The following USP1 variants were observed in gnomAD, a reference collection of about 807,000 sequenced individuals.
The protein encoded by USP1 is ubiquitin carboxyl-terminal hydrolase 1.
USP1 carries 18 observed loss-of-function variants against 72.2 expected under a neutral mutation model. The ratio of observed to expected loss-of-function variants is 0.25; its 90% CI spans 0.17 to 0.37. The LOEUF (loss-of-function observed/expected upper bound fraction) is 0.37. Ranked by LOEUF, USP1 falls within the 10% of genes least tolerant of loss-of-function variation. The pLI is 1.00. For missense variants in USP1, 759 were observed against 884.9 expected (o/e 0.86, Z 1.81); for synonymous variants, 354 against 303.7 (o/e 1.17, Z -1.72).
intron 5 of USP1, 90 bp from the exon 6 acceptor site, chr1:62,444,648 G>C (rs1571134860): frequency 9.6e-7 from 1 of 1,043,614 alleles, no homozygotes. Flanking sequence ...AATAATTTAT[G>C]ATTTTCCTTA....
Position 62,441,508 on chromosome 1 carries a change from C to T in USP1, c.191C>T (p.Ala64Val), listed in dbSNP as rs769957215. The T allele has an allele frequency of 5.7e-5, 92 of 1,610,998 alleles. No individual in the cohort carries two copies. Among genetic ancestry groups the T allele is most frequent in the Non-Finnish European group, 7.0e-5 (82 of 1,179,112 alleles). Residue 64 changes from alanine (A) to valine (V), a missense_variant, in exon 3 of 9, where the codon GCA becomes GTA. By Grantham distance (64) the Ala-to-Val change is moderately conservative. Transcript: ENST00000339950. ...CATAGTGATCAAGTTGTTCCTGCAG[C>T]ACAGTCTTCACCTATAAACTGTGAG... is the stretch of plus-strand genomic sequence containing the variant. Reference protein sequence around the residue: ...ASEIDQVVPAAQSSPINCEKR... With the variant: ...ASEIDQVVPAVQSSPINCEKR...
chr1:62,443,494 G>A (rs1024322840), intron 5 of USP1, among the ~76,000 whole-genome samples, 175 bp downstream of exon 5: 3 of 152,104 alleles, frequency 2.0e-5, no homozygotes, highest in African/African-American at 7.2e-5. Context: ...TAAATTTGGT[G>A]CTAAATTCGT....
At position 62,444,944 on chromosome 1, in the gene USP1, G is replaced by A. The variant is rs756956629; in HGVS notation, c.764G>A (p.Arg255Lys). The change falls in exon 6 of 9, where the codon AGG becomes AAG. Residue 255 changes from arginine (R) to lysine (K), a missense_variant. Physicochemically the swap from Arg to Lys is conservative, Grantham distance 26. Coordinates refer to ENST00000339950, the MANE Select transcript of USP1 (RefSeq NM_003368.5). ...GINSIEMDSMRHSEDFKEKLP... is the reference protein window; with the variant it reads ...GINSIEMDSMKHSEDFKEKLP... The stretch of plus-strand genomic sequence containing the variant: ...AACAGCATAGAGATGGACAGTATGA[G>A]GCATTCTGAAGACTTTAAAGAGAAA... 10 of 1,613,654 alleles carry A rather than the reference G, an allele frequency of 6.2e-6. No homozygotes were observed. The African/African-American group carries it at 1.2e-4, about 19-fold the overall frequency.
In USP1 at chr1:62,444,998, G is replaced by A; in HGVS notation, c.818G>A (p.Ser273Asn). The A allele has an allele frequency of 6.2e-7, 1 of 1,613,522 alleles. No individual in the cohort carries two copies. The highest frequency in any genetic ancestry group is 1.1e-5 in the South Asian group (1 of 91,036). Residue 273 changes from serine to asparagine, a missense_variant, in exon 6 of 9, where the codon AGT becomes AAT. By Grantham distance (46) the Ser-to-Asn change is conservative. Coordinates refer to ENST00000339950, the MANE Select transcript of USP1 (RefSeq NM_003368.5). The stretch of plus-strand genomic sequence containing the variant: ...CCAAAAGGAAATGGGAAAAGAAAAA[G>A]TGACACTGAATTTGGTAACATGAAG... ...KLPKGNGKRKSDTEFGNMKKK... is the reference protein window; with the variant it reads ...KLPKGNGKRKNDTEFGNMKKK...
chr1:62,442,386 G>C, intron 4 of USP1, 87 bp downstream of exon 4: 1 of 919,772 alleles, frequency 1.1e-6, no homozygotes, highest in Admixed American at 3.0e-5. Context: ...GAGGACTGGG[G>C]GGGTGGATGA....
rs781580403 is a variant in USP1 at position 62,444,871 on chromosome 1, A to G, written c.691A>G (p.Thr231Ala). 3.1e-6 allele frequency: 5 copies of G among 1,613,616 alleles called. No homozygotes were observed. The African/African-American group carries it at 6.7e-5, about 22-fold the overall frequency. ...EEVKNVAELP[T>A]KVEEIPHPKE... is the part of the protein sequence containing the mutation. ...AGTAAAAAATGTGGCAGAATTACCT[A>G]CTAAGGTAGAAGAAATACCTCATCC... Residue 231 changes from threonine (T) to alanine (A), a missense_variant, in exon 6 of 9, where the codon ACT becomes GCT. Physicochemically the swap from Thr to Ala is moderately conservative, Grantham distance 58. Around this residue, in one of 9 missense-constraint regions of USP1, gnomAD observed 245 missense variants for 240.7 expected, o/e 1.02. Coordinates refer to ENST00000339950, the MANE Select transcript of USP1 (RefSeq NM_003368.5).
chr1:62,440,365 A>T (rs969152728), intron 2 of USP1, among the ~76,000 whole-genome samples: 23 of 54,924 alleles, frequency 4.2e-4, no homozygotes, highest in East Asian at 6.7e-4. Flanking sequence ...AAAAGGTTTT[A>T]TATATATATA....
chr1:62,445,403 T>G lies in USP1; in HGVS notation c.1223T>G (p.Val408Gly). The G allele has an allele frequency of 1.3e-6, 2 of 1,578,210 alleles. No individual in the cohort carries two copies. Among genetic ancestry groups the G allele is most frequent in the Non-Finnish European group, 8.6e-7 (1 of 1,165,642 alleles). The change falls in exon 6 of 9, where the codon GTT (valine) becomes GGT (glycine). Residue 408 changes from valine to glycine, a missense_variant. Val to Gly is a moderately radical substitution (Grantham distance 109). This residue lies in a region of USP1 where 245 missense variants were observed against 240.7 expected (regional missense o/e 1.02). Transcript: ENST00000339950. The part of the protein sequence containing the change: ...SPGNTVTPVN[V>G]NEVKPINKGE... ...GGAAATACTGTTACACCTGTAAATG[T>G]TAATGAAGTTAAACCCATAAACAAA...
intron 6 of USP1, among the ~76,000 whole-genome samples, chr1:62,445,941 T>C (rs190382709): frequency 2.1e-4 from 32 of 152,146 alleles, no homozygotes; most frequent in Admixed American, 9.2e-4. Context: ...ATTATGCCAC[T>C]GCACTCCAGC....
rs1357036174 is a variant in USP1 at position 62,448,612 on chromosome 1, A to G, written c.1568A>G (p.Lys523Arg). The change falls in exon 8 of 9, where the codon AAA becomes AGA. Residue 523 changes from lysine to arginine, a missense_variant. By Grantham distance (26) the Lys-to-Arg change is conservative. Coordinates refer to ENST00000339950, the MANE Select transcript of USP1 (RefSeq NM_003368.5). ...TEAERSLLFD[K>R]MPEVITIHLK... ...GCTGAACGAAGTCTTTTGTTTGACA[A>G]AATGCCTGAAGTTATAACTATTCAT... The G allele has an allele frequency of 6.2e-7, 1 of 1,613,738 alleles. No individual in the cohort carries two copies. Among genetic ancestry groups the G allele is most frequent in the Non-Finnish European group, 8.5e-7 (1 of 1,179,920 alleles).
chr1:62,445,606 T>A (rs1645166387), intron 6 of USP1, among the ~76,000 whole-genome samples, 177 bp downstream of exon 6: 1 of 144,432 alleles, frequency 6.9e-6, no homozygotes, highest in South Asian at 2.3e-4. Flanking sequence ...TTAGTGTGTG[T>A]GTATATATTG....
At chr1:62,445,653 C>G (rs1252433326) in intron 6 of USP1, among the ~76,000 whole-genome samples, 1 of 151,784 alleles carries the variant, frequency 6.6e-6, no homozygotes, top group Non-Finnish European at 1.5e-5. Context: ...TGTGTAATGT[C>G]ATTAAAGTAA....
At chr1:62,440,255 C>G (rs931109311) in intron 2 of USP1, among the ~76,000 whole-genome samples, 3 of 152,106 alleles carry the variant, frequency 2.0e-5, no homozygotes, top group African/African-American at 4.8e-5. Flanking sequence ...TAACACTGTG[C>G]TCAGCCATTT....
At chr1:62,436,883 G>T (rs1571125794), upstream of USP1, 3 of 383,402 alleles carry the variant, frequency 7.8e-6, no homozygotes, top group East Asian at 1.1e-4. Flanking sequence ...AGTCCCAGCT[G>T]GCTCCGGAGC....
At position 62,445,340 on chromosome 1, in the gene USP1, G is replaced by A; in HGVS notation, c.1160G>A (p.Ser387Asn). The change falls in exon 6 of 9, where the codon AGT becomes AAT. Residue 387 changes from serine (S) to asparagine (N), a missense_variant. Around this residue, in one of 9 missense-constraint regions of USP1, gnomAD observed 245 missense variants for 240.7 expected, o/e 1.02. Coordinates refer to ENST00000339950, the MANE Select transcript of USP1 (RefSeq NM_003368.5). ...DPEEDLGKCE[S>N]DNTTNGCGLE... Reference sequence around the variant, plus strand: ...GAAGAGGACTTGGGGAAGTGTGAAAGTGATAACACAACTAATGGTTGTGGA... The same window carrying A: ...GAAGAGGACTTGGGGAAGTGTGAAAATGATAACACAACTAATGGTTGTGGA... 3.1e-6 allele frequency: 5 copies of A among 1,612,922 alleles called. No individual in the cohort carries two copies. The highest frequency in any genetic ancestry group is 1.3e-5 in the African/African-American group (1 of 74,970).
intron 5 of USP1, among the ~76,000 whole-genome samples, chr1:62,444,328 C>A (rs614636): frequency 0.035 from 5,172 of 149,008 alleles, 336 homozygotes; most frequent in African/African-American, 0.12. Flanking sequence ...ACTGGCTTTT[C>A]ATCCTAAGTA....
intron 3 of USP1, 36 bp downstream of exon 3, chr1:62,441,644 G>T (rs1398879563): frequency 3.1e-6 from 5 of 1,590,668 alleles, no homozygotes; most frequent in South Asian, 2.3e-5. Context: ...TAAAGCTTTA[G>T]TAGGCAAAGA....
chr1:62,442,230 A>G lies in USP1; in HGVS notation c.327A>G (p.Val109=). The G allele has an allele frequency of 6.2e-7, 1 of 1,605,488 alleles. No homozygotes were observed. The highest frequency in any genetic ancestry group is 8.5e-7 in the Non-Finnish European group (1 of 1,174,128). Residue 109 remains valine, a synonymous_variant, in exon 4 of 9, where the codon GTA becomes GTG. Transcript: ENST00000339950. ...TTTGTCCCGGTTTTAAATCTGGAGT[A>G]AAGCACTTATTTAATATTATTTCAA... ...LYFCPGFKSG[V]KHLFNIISRK... is the part of the protein sequence containing the mutation.
intron 3 of USP1, 42 bp from the exon 4 acceptor site, chr1:62,442,153 T>A: frequency 7.6e-7 from 1 of 1,308,700 alleles, no homozygotes; most frequent in Non-Finnish European, 1.1e-6. Flanking sequence ...TTACGTGTAT[T>A]GTTTGTTCAG....
Sources: allele counts gnomAD v4.1 joint callset (sites outside exome capture counted in the v4.1 genomes callset), GRCh38; gene constraint gnomAD v4.1.1; regional missense constraint gnomAD v4.1.1; transcripts MANE v1.5; gene names NCBI Gene and HGNC (gene_info 2026-07-23, HGNC 2026-07-21).